Variants in ARSJ observed in about 807,000 individuals in gnomAD.
ARSJ encodes arylsulfatase J.
Under a neutral mutation model 35.9 loss-of-function variants are expected in ARSJ, and 26 were observed. The observed-to-expected ratio is 0.72, with a 90% CI of 0.53 to 1.00. ARSJ has a LOEUF of 1.00. Among genes scored for constraint, ARSJ ranks in the 50% least tolerant of loss-of-function variants. ARSJ has a pLI of 0.00. For missense variants in ARSJ, 667 were observed against 723.6 expected (o/e 0.92, Z 0.90); for synonymous variants, 294 against 267.6 (o/e 1.10, Z -0.96).
chr4:113,970,114 G>A (rs1469349499), intron 1 of ARSJ, among the ~76,000 whole-genome samples: 1 of 152,194 alleles, frequency 6.6e-6, no homozygotes, highest in African/African-American at 2.4e-5. Context: ...GAGAGATAGG[G>A]TGTACATTCC....
chr4:113,911,553 G>A (rs2099670450), intron 1 of ARSJ, among the ~76,000 whole-genome samples: 1 of 152,124 alleles, frequency 6.6e-6, no homozygotes, highest in African/African-American at 2.4e-5. Flanking sequence ...ATTATAAAGA[G>A]AGACATTTGA....
chr4:113,974,342 A>G (rs2110339309), intron 1 of ARSJ, among the ~76,000 whole-genome samples: 1 of 152,208 alleles, frequency 6.6e-6, no homozygotes, highest in East Asian at 1.9e-4. Flanking sequence ...CACCAAAACC[A>G]CTAAAAAACA....
intron 1 of ARSJ, among the ~76,000 whole-genome samples, chr4:113,926,751 A>T (rs1415367022): frequency 6.6e-6 from 1 of 152,186 alleles, no homozygotes; most frequent in African/African-American, 2.4e-5. Flanking sequence ...CATGATAGGC[A>T]GTTCAGGTCA....
chr4:113,966,080 A>G (rs1057242589), intron 1 of ARSJ, among the ~76,000 whole-genome samples: 4 of 151,898 alleles, frequency 2.6e-5, no homozygotes, highest in African/African-American at 9.7e-5. Context: ...TAAATTATAA[A>G]TTTATTTTAA....
At chr4:113,921,605 A>G (rs1723686923) in intron 1 of ARSJ, among the ~76,000 whole-genome samples, 1 of 152,142 alleles carries the variant, frequency 6.6e-6, no homozygotes, top group Non-Finnish European at 1.5e-5. Flanking sequence ...TTGTTCACCC[A>G]GGCTGTAAAT....
At position 113,902,951 on chromosome 4, in the gene ARSJ, C is replaced by T; in HGVS notation, c.1123G>A (p.Val375Met). 1 of 1,614,170 alleles carries T rather than the reference C, an allele frequency of 6.2e-7. No homozygotes were observed. Among genetic ancestry groups the T allele is most frequent in the Non-Finnish European group, 8.5e-7 (1 of 1,180,020 alleles). Residue 375 changes from valine to methionine, a missense_variant, in exon 2 of 2, where the codon GTG becomes ATG. Val to Met is a conservative substitution (Grantham distance 21). Coordinates refer to ENST00000315366, the MANE Select transcript of ARSJ (RefSeq NM_024590.4). The part of the protein sequence containing the change: ...KNKGTVCKEL[V>M]HITDWYPTLI... ...GTGGGGTACCAGTCAGTGATGTGCA[C>T]AAGTTCCTTACACACTGTTCCCTTG...
intron 1 of ARSJ, among the ~76,000 whole-genome samples, chr4:113,958,363 A>T (rs1480884124): frequency 6.6e-6 from 1 of 152,096 alleles, no homozygotes; most frequent in Non-Finnish European, 1.5e-5. Context: ...ACGTTAAAAA[A>T]TTTAAGTGCA....
At chr4:113,973,451 G>A (rs1727402753) in intron 1 of ARSJ, among the ~76,000 whole-genome samples, 1 of 152,046 alleles carries the variant, frequency 6.6e-6, no homozygotes, top group Admixed American at 6.5e-5. Flanking sequence ...TAATTATTTG[G>A]CAAATCTCAA....
intron 1 of ARSJ, among the ~76,000 whole-genome samples, chr4:113,910,986 T>C (rs1300409982): frequency 6.6e-6 from 1 of 151,920 alleles, no homozygotes; most frequent in African/African-American, 2.4e-5. Flanking sequence ...CATTCAGGAG[T>C]ATCTGGGTGA....
rs192468146 is a variant in ARSJ, at chr4:113,958,616, G to A, written c.398+19821C>T. 2.1e-3 allele frequency among the ~76,000 whole-genome samples: 325 copies of A among 152,004 alleles called. 5 individuals are homozygous for A. Among genetic ancestry groups the A allele is most frequent in the Non-Finnish European group, 9.6e-4 (65 of 67,938 alleles). The stretch of plus-strand genomic sequence containing the variant: ...CTATGGATATTAACCTGCATGTTTT[G>A]ACTTTAGCCGATACATATATACAAA... On this transcript the variant is annotated intron_variant, in intron 1 of 1. Transcript: ENST00000315366.
intron 1 of ARSJ, among the ~76,000 whole-genome samples, chr4:113,958,120 T>C (rs961367232): frequency 2.6e-5 from 4 of 152,072 alleles, no homozygotes; most frequent in Non-Finnish European, 5.9e-5. Flanking sequence ...TAGAGATGCC[T>C]TCCAGCTGTT....
At chr4:113,912,740 TG>T (rs1723007776) in intron 1 of ARSJ, among the ~76,000 whole-genome samples, 1 of 117,908 alleles carries the variant, frequency 8.5e-6, no homozygotes. Flanking sequence ...TGAGAATGTG[TG>T]TGTGTGTGTG....
chr4:113,929,122 C>T (rs1283697891), intron 1 of ARSJ, among the ~76,000 whole-genome samples: 1 of 152,082 alleles, frequency 6.6e-6, no homozygotes, highest in African/African-American at 2.4e-5. Context: ...CATCATTATC[C>T]AATACCCTTA....
intron 1 of ARSJ, among the ~76,000 whole-genome samples, chr4:113,927,850 A>G (rs1296730158): frequency 2.6e-5 from 4 of 152,146 alleles, no homozygotes; most frequent in Non-Finnish European, 4.4e-5. Context: ...AATCTCTGCA[A>G]TCCATCCAGG....
chr4:113,961,362 G>A (rs1240840571), intron 1 of ARSJ, among the ~76,000 whole-genome samples: 2 of 151,934 alleles, frequency 1.3e-5, no homozygotes, highest in African/African-American at 4.8e-5. Flanking sequence ...TGTAGTGCTT[G>A]TTCTTAAAAT....
chr4:113,939,750 A>G (rs1725020698), intron 1 of ARSJ, among the ~76,000 whole-genome samples: 1 of 151,572 alleles, frequency 6.6e-6, no homozygotes, highest in African/African-American at 2.4e-5. Context: ...CCACTTTTTG[A>G]TGGGGTTGTT....
At chr4:113,963,545 G>T (rs1466012209) in intron 1 of ARSJ, among the ~76,000 whole-genome samples, 1 of 152,042 alleles carries the variant, frequency 6.6e-6, no homozygotes, top group Non-Finnish European at 1.5e-5. Context: ...TCAATTACCT[G>T]CTGCAGGGTC....
chr4:113,922,533 C>T (rs1260761912), intron 1 of ARSJ, among the ~76,000 whole-genome samples: 2 of 152,120 alleles, frequency 1.3e-5, no homozygotes, highest in African/African-American at 4.8e-5. Flanking sequence ...GTAGATTCAA[C>T]TCTGACCAAT....
rs555441964 is a variant in ARSJ, at chr4:113,909,286, T to C, written c.399-5611A>G. Among the ~76,000 whole-genome samples, 7 of 152,240 alleles carry C rather than the reference T, an allele frequency of 4.6e-5. No individual in the cohort carries two copies. The South Asian group carries it at 8.3e-4, about 18-fold the overall frequency. Reference sequence around the variant, plus strand: ...TTATAAAGAGGCTGATTTCAACCCATTGTGGAAAATAACATTCTAAAAAAG... The same window carrying C: ...TTATAAAGAGGCTGATTTCAACCCACTGTGGAAAATAACATTCTAAAAAAG... On this transcript the variant is annotated intron_variant, in intron 1 of 1. Coordinates refer to ENST00000315366, the MANE Select transcript of ARSJ (RefSeq NM_024590.4).
Sources: allele counts gnomAD v4.1 joint callset (sites outside exome capture counted in the v4.1 genomes callset), GRCh38; gene constraint gnomAD v4.1.1; transcripts MANE v1.5; gene names NCBI Gene and HGNC (gene_info 2026-07-23, HGNC 2026-07-21).